Variants in PTPRG observed in about 807,000 individuals in gnomAD.
PTPRG encodes the protein protein tyrosine phosphatase receptor type G.
PTPRG carries 102 observed loss-of-function variants against 165.3 expected under a neutral mutation model. The observed-to-expected ratio is 0.62, with a 90% CI of 0.53 to 0.73. The LOEUF is 0.73. PTPRG is among the 30% of genes least tolerant of loss of function. The pLI is 0.00. For missense variants in PTPRG, 1,866 were observed against 1,861.4 expected, an observed-to-expected ratio of 1.00 and a Z score of -0.05; for synonymous variants, 675 against 669.5, an observed-to-expected ratio of 1.01 and a Z score of -0.13.
intron 8 of PTPRG, among the ~76,000 whole-genome samples, chr3:62,170,824 C>G (rs1705187754): frequency 6.6e-6 from 1 of 152,074 alleles, no homozygotes; most frequent in African/African-American, 2.4e-5. Context: ...AAGTGCAGTA[C>G]CCGTAATACG....
intron 2 of PTPRG, among the ~76,000 whole-genome samples, chr3:61,812,230 A>G (rs2035603926): frequency 6.6e-6 from 1 of 151,878 alleles, no homozygotes; most frequent in African/African-American, 2.4e-5. Flanking sequence ...TGTGAAAACG[A>G]TGATTTTTAG....
intron 1 of PTPRG, among the ~76,000 whole-genome samples, chr3:61,666,534 A>G (rs1184790911): frequency 1.3e-5 from 2 of 152,236 alleles, no homozygotes; most frequent in African/African-American, 2.4e-5. Flanking sequence ...AATGGAAGAA[A>G]GGAAAACCAG....
At chr3:62,277,506 T>A in intron 25 of PTPRG, 45 bp from the exon 26 acceptor site, 1 of 1,590,786 alleles carries the variant, frequency 6.3e-7, no homozygotes. Context: ...AAAGTTAGAA[T>A]AAAACACTCA....
chr3:61,754,725 C>A (rs2033575996), intron 2 of PTPRG, among the ~76,000 whole-genome samples: 1 of 152,102 alleles, frequency 6.6e-6, no homozygotes, highest in Non-Finnish European at 1.5e-5. Context: ...TAACAAGCTC[C>A]CCTGGTGAAC....
At chr3:61,928,106 T>G (rs2039270344) in intron 2 of PTPRG, among the ~76,000 whole-genome samples, 1 of 152,142 alleles carries the variant, frequency 6.6e-6, no homozygotes, top group Non-Finnish European at 1.5e-5. Flanking sequence ...CTATAAGGGG[T>G]ATGAGGCCGG....
chr3:61,941,580 C>A lies in PTPRG; in HGVS notation c.191-48045C>A, dbSNP rs570794274. 1.5e-3 allele frequency among the ~76,000 whole-genome samples: 225 copies of A among 152,170 alleles called. 1 individual carries two copies. Among genetic ancestry groups the A allele is most frequent in the African/African-American group, 5.3e-3 (220 of 41,520 alleles). On this transcript the variant is annotated intron_variant, in intron 2 of 29. Transcript: ENST00000474889. ...GGAGGTTGCAGTGAGCCGAGAGCGCCACTGCACTCCAGCCTGGGCGACAAG... is the reference window on the plus strand; with the variant it reads ...GGAGGTTGCAGTGAGCCGAGAGCGCAACTGCACTCCAGCCTGGGCGACAAG...
rs1366004885 is a variant in PTPRG at position 62,252,463 on chromosome 3, CAG to C, written c.2468-2659_2468-2658del. ...TACATGTTAATACATATAAAGTACA[CAG>C]AAAGTGCCTGGCCTAGTTAATGCTG... is the stretch of plus-strand genomic sequence containing the variant. On this transcript the variant is annotated intron_variant, in intron 15 of 29. Transcript: ENST00000474889. This position sits in a 1 kb window ranked among gnomAD's most constrained non-coding sequence, Gnocchi z 4.6. Among the ~76,000 whole-genome samples the C allele has an allele frequency of 1.3e-5, 2 of 152,202 alleles. No individual in the cohort carries two copies. The highest frequency in any genetic ancestry group is 4.8e-5 in the African/African-American group (2 of 41,462).
chr3:62,121,663 C>A (rs1175056513), intron 5 of PTPRG, among the ~76,000 whole-genome samples: 1 of 152,192 alleles, frequency 6.6e-6, no homozygotes, highest in African/African-American at 2.4e-5. Context: ...ATAAGATAAG[C>A]CTCTTCCTGG....
chr3:61,893,189 A>G lies in PTPRG; in HGVS notation c.191-96436A>G, dbSNP rs181568048. Among the ~76,000 whole-genome samples the G allele has an allele frequency of 1.7e-3, 264 of 152,354 alleles. 1 individual carries two copies. Among genetic ancestry groups the G allele is most frequent in the African/African-American group, 5.7e-3 (239 of 41,580 alleles). On this transcript the variant is annotated intron_variant, in intron 2 of 29. Coordinates refer to ENST00000474889, the MANE Select transcript of PTPRG (RefSeq NM_002841.4). The stretch of plus-strand genomic sequence containing the variant: ...GTACAGAAAATTTAAGAATTTATCA[A>G]TGTTTTAGGAGATAGCATATTTTGG...
intron 2 of PTPRG, among the ~76,000 whole-genome samples, chr3:61,822,917 G>A (rs551003819): frequency 4.6e-5 from 7 of 152,290 alleles, no homozygotes; most frequent in South Asian, 2.1e-4. Flanking sequence ...TTACATGGCC[G>A]ATGGTGACTT....
chr3:61,888,428 G>C (rs887204735), intron 2 of PTPRG, among the ~76,000 whole-genome samples: 3 of 151,998 alleles, frequency 2.0e-5, no homozygotes, highest in Admixed American at 2.0e-4. Flanking sequence ...CCACCTCCCG[G>C]GTTCACGCCA....
rs533507647 is a variant in PTPRG at position 62,281,818 on chromosome 3, G to A, written c.3912+109G>A. 1,926 of 1,084,216 alleles carry A rather than the reference G, an allele frequency of 1.8e-3. 4 individuals carry two copies. Among genetic ancestry groups the A allele is most frequent in the Non-Finnish European group, 2.3e-3 (1,788 of 782,022 alleles). 67.2% of individuals were successfully genotyped at this position (1,084,216 alleles called of 1,614,324 possible). The stretch of plus-strand genomic sequence containing the variant: ...CCTCAAGCCAGGCTCAGGCATTTGA[G>A]TAAGACTTAATTTTAAATATGTACA... On this transcript the variant is annotated intron_variant, in intron 27 of 29. Transcript: ENST00000474889.
chr3:62,048,264 G>A (rs913018203), intron 4 of PTPRG, among the ~76,000 whole-genome samples: 1 of 152,166 alleles, frequency 6.6e-6, no homozygotes, highest in African/African-American at 2.4e-5. Context: ...ACATGAGGCA[G>A]TGTCTACACA....
intron 1 of PTPRG, among the ~76,000 whole-genome samples, chr3:61,679,841 G>A (rs534207037): frequency 1.6e-4 from 24 of 152,108 alleles, no homozygotes; most frequent in African/African-American, 5.8e-4. Flanking sequence ...GACCTCAGCC[G>A]GCCTGAGGTT....
At chr3:61,826,520 T>TAA (rs35348448) in intron 2 of PTPRG, among the ~76,000 whole-genome samples, 44 of 147,426 alleles carry the variant, frequency 3.0e-4, no homozygotes, top group East Asian at 1.4e-3. Context: ...TTCCAGAACT[T>TAA]AAAAAAAAAA....
At chr3:61,753,918 T>G (rs1027008247) in intron 2 of PTPRG, among the ~76,000 whole-genome samples, 2 of 152,052 alleles carry the variant, frequency 1.3e-5, no homozygotes, top group African/African-American at 2.4e-5. Context: ...ATATATAAAG[T>G]TATTTTCTCT....
At chr3:61,588,034 T>C (rs1700477056) in intron 1 of PTPRG, among the ~76,000 whole-genome samples, 1 of 152,090 alleles carries the variant, frequency 6.6e-6, no homozygotes, top group African/African-American at 2.4e-5. Context: ...GGTTGTCTTG[T>C]CGCTTTAAAA....
chr3:62,087,182 G>A (rs935648827), intron 5 of PTPRG, among the ~76,000 whole-genome samples: 4 of 152,206 alleles, frequency 2.6e-5, no homozygotes, highest in African/African-American at 9.7e-5. Context: ...CAGATGACAG[G>A]CCTGACCCTC....
At chr3:62,145,374 C>G (rs1231836195) in intron 6 of PTPRG, among the ~76,000 whole-genome samples, 1 of 152,156 alleles carries the variant, frequency 6.6e-6, no homozygotes, top group Admixed American at 6.5e-5. Context: ...CCCCACTGCC[C>G]ATCATCATCA....
Sources: gnomAD v4.1 joint callset for allele counts (sites outside exome capture counted in the v4.1 genomes callset) on GRCh38, gnomAD v4.1.1 for gene constraint, Gnocchi (gnomAD v3.1) non-coding constraint, MANE v1.5 for transcripts, NCBI Gene and HGNC (gene_info 2026-07-23, HGNC 2026-07-21) for gene names.